Variants in ANKRD30B observed in about 807,000 individuals in gnomAD.
The protein encoded by ANKRD30B is ankyrin repeat domain 30B.
Under a neutral mutation model 202.2 loss-of-function variants are expected in ANKRD30B, and 144 were observed. The observed-to-expected ratio is 0.71, with a 90% CI of 0.62 to 0.82. The LOEUF is 0.82. Ranked by LOEUF, ANKRD30B falls within the 40% of genes least tolerant of loss-of-function variation. The probability of loss-of-function intolerance (pLI) is 0.00; values close to 1 mark genes in which losing one functional copy is unlikely to be tolerated. For synonymous variants in ANKRD30B, 508 were observed against 561.3 expected (o/e 0.91, Z 1.34); for missense variants, 1,487 against 1,669.1 (o/e 0.89, Z 1.90).
chr18:14,838,951 G>A (rs1190331831), intron 36 of ANKRD30B, among the ~76,000 whole-genome samples: 1 of 152,184 alleles, frequency 6.6e-6, no homozygotes, highest in Non-Finnish European at 1.5e-5. Context: ...CACAAGAATG[G>A]GGAGTAAGAA....
At chr18:14,872,176 C>G in the ANKRD30B span, among the ~76,000 whole-genome samples, 1 of 152,206 alleles carries the variant, frequency 6.6e-6, no homozygotes, top group Non-Finnish European at 1.5e-5. Flanking sequence ...CATCTCTCAG[C>G]CAGGAAGTCA....
chr18:14,916,805 A>C, the ANKRD30B span, among the ~76,000 whole-genome samples: 1 of 152,134 alleles, frequency 6.6e-6, no homozygotes, highest in Non-Finnish European at 1.5e-5. Context: ...GTGTTACTTG[A>C]CCCTGGCTCC....
the ANKRD30B span, among the ~76,000 whole-genome samples, chr18:14,906,385 A>G: frequency 6.6e-6 from 1 of 152,286 alleles, no homozygotes; most frequent in South Asian, 2.1e-4. Flanking sequence ...ACTCTCTACC[A>G]ATCTCATTAT....
Position 14,852,312 on chromosome 18 carries a change from G to A in ANKRD30B, c.4368G>A (p.Glu1456=), listed in dbSNP as rs538202869. 5 of 1,544,406 alleles carry A rather than the reference G, an allele frequency of 3.2e-6. No individual in the cohort carries two copies. Among genetic ancestry groups the A allele is most frequent in the South Asian group, 1.2e-5 (1 of 83,076 alleles). Residue 1456 remains glutamate, a synonymous_variant, in exon 42 of 44, where the codon GAG becomes GAA. Coordinates refer to ENST00000690538, the MANE Select transcript of ANKRD30B (RefSeq NM_001367607.2). The part of the protein sequence containing the change: ...SKVTINIQFP[E]MKMQRHLNEK... ...TAACAATTAATATTCAGTTTCCTGAGATGAAAATGCAACGTCATCTAAACG... is the reference window on the plus strand; with the variant it reads ...TAACAATTAATATTCAGTTTCCTGAAATGAAAATGCAACGTCATCTAAACG...
In ANKRD30B at chr18:14,810,179, AG is replaced by A. The variant is rs1969831484; in HGVS notation, c.2488+1del. On this transcript the variant is annotated frameshift_variant and splice_region_variant, in exon 28 of 44. Coordinates refer to ENST00000690538, the MANE Select transcript of ANKRD30B (RefSeq NM_001367607.2). LOFTEE classifies it high-confidence loss of function. The part of the protein sequence containing the change: ...ELKDRETLKA[A>X]QMFPSESKQK... ...TAAAGGACAGAGAAACATTAAAAGCAGGTAAACTTTGTAATTTAAATTTTAC... is the reference window on the plus strand; with the variant it reads ...TAAAGGACAGAGAAACATTAAAAGCAGTAAACTTTGTAATTTAAATTTTAC... 1 of 1,381,928 alleles carries A rather than the reference AG, an allele frequency of 7.2e-7. No individual in the cohort carries two copies. Among genetic ancestry groups the A allele is most frequent in the Admixed American group, 2.2e-5 (1 of 46,106 alleles). 85.6% of individuals were successfully genotyped at this position (1,381,928 alleles called of 1,614,324 possible). A position where few individuals can be genotyped will look rare whatever the true frequency, so the allele number is the denominator to read the frequency against.
chr18:14,825,454 C>A (rs868051378), intron 32 of ANKRD30B, among the ~76,000 whole-genome samples: 8 of 151,992 alleles, frequency 5.3e-5, no homozygotes, highest in African/African-American at 1.9e-4. Flanking sequence ...CAGTACAAAG[C>A]AATCATGCAC....
chr18:14,766,489 A>AGAAAG (rs1916209268), intron 7 of ANKRD30B, among the ~76,000 whole-genome samples: 7 of 133,352 alleles, frequency 5.2e-5, no homozygotes, highest in Admixed American at 1.5e-4. Flanking sequence ...AAAAAAAAAA[A>AGAAAG]AAAAAAAAGA....
intron 26 of ANKRD30B, 27 bp downstream of exon 26, chr18:14,808,771 C>T: frequency 2.1e-6 from 3 of 1,412,984 alleles, no homozygotes; most frequent in Non-Finnish European, 2.9e-6. Flanking sequence ...AAATTTTAAT[C>T]TGGAATTAAG....
At chr18:14,794,756 G>T (rs953349440) in intron 16 of ANKRD30B, among the ~76,000 whole-genome samples, 1 of 152,156 alleles carries the variant, frequency 6.6e-6, no homozygotes, top group African/African-American at 2.4e-5. Context: ...CATAAATTGT[G>T]TGTGTTTTAG....
At position 14,809,007 on chromosome 18, in the gene ANKRD30B, G is replaced by C. The variant is rs1296739161; in HGVS notation, c.2386+263G>C. ...AATGGGGCCTTGTCTTTGTTCCCAG[G>C]TGGATCGGCAGGTTGAGAAAGAATA... On this transcript the variant is annotated intron_variant, in intron 26 of 43. Transcript: ENST00000690538. Among the ~76,000 whole-genome samples, 3 of 150,720 alleles carry C rather than the reference G, an allele frequency of 2.0e-5. 1 individual carries two copies. Among genetic ancestry groups the C allele is most frequent in the African/African-American group, 7.4e-5 (3 of 40,674 alleles).
At chr18:14,793,600 T>C (rs1968669691) in intron 16 of ANKRD30B, among the ~76,000 whole-genome samples, 2 of 152,050 alleles carry the variant, frequency 1.3e-5, no homozygotes, top group Non-Finnish European at 1.5e-5. Flanking sequence ...TTTTCATTTA[T>C]TTAAAGATTT....
chr18:14,921,669 A>T, the ANKRD30B span, among the ~76,000 whole-genome samples: 1 of 152,214 alleles, frequency 6.6e-6, no homozygotes. Flanking sequence ...TTCTAAAACC[A>T]ATGGGAAAGT....
chr18:14,830,483 T>C (rs954192057), intron 33 of ANKRD30B, among the ~76,000 whole-genome samples: 1 of 152,212 alleles, frequency 6.6e-6, no homozygotes, highest in African/African-American at 2.4e-5. Flanking sequence ...GTTCAGCTTT[T>C]CAACATTTCA....
At chr18:14,877,965 C>T in the ANKRD30B span, 4 of 152,294 alleles carry the variant, frequency 2.6e-5, no homozygotes, top group East Asian at 5.8e-4. Flanking sequence ...CTCCCTGACT[C>T]TCCCCTGCTA....
At chr18:14,847,058 A>T (rs1190997193) in intron 39 of ANKRD30B, among the ~76,000 whole-genome samples, 2 of 24,154 alleles carry the variant, frequency 8.3e-5, no homozygotes, top group African/African-American at 4.5e-4. Flanking sequence ...TTTTATATAT[A>T]TATATATATA....
chr18:14,797,778 T>G lies in ANKRD30B; in HGVS notation c.1957-4T>G, dbSNP rs1969019203. 6.4e-7 allele frequency: 1 copy of G among 1,567,770 alleles called. No homozygotes were observed. Among genetic ancestry groups the G allele is most frequent in the Admixed American group, 1.9e-5 (1 of 52,928 alleles). The stretch of plus-strand genomic sequence containing the variant: ...TTAATTTTTGTGTTTCCGAACCCAT[T>G]TAGCCTACCTGTGGAAGGAAAGTTT... On this transcript the variant is annotated splice_polypyrimidine_tract_variant and splice_region_variant and intron_variant, in intron 19 of 43. Transcript: ENST00000690538.
intron 16 of ANKRD30B, among the ~76,000 whole-genome samples, chr18:14,795,377 T>G (rs1215053350): frequency 6.6e-6 from 1 of 152,178 alleles, no homozygotes; most frequent in African/African-American, 2.4e-5. Context: ...TTGTATTTTT[T>G]GTGGAGACAG....
At chr18:14,752,701 T>C in intron 2 of ANKRD30B, 21 bp downstream of exon 2, 2 of 1,580,048 alleles carry the variant, frequency 1.3e-6, no homozygotes, top group Non-Finnish European at 8.6e-7. Flanking sequence ...GCCAGTTTTT[T>C]CAGCGGGAGA....
the ANKRD30B span, among the ~76,000 whole-genome samples, chr18:14,926,104 C>A: frequency 6.6e-6 from 1 of 152,176 alleles, no homozygotes; most frequent in East Asian, 1.9e-4. Context: ...GTTAGCCCAA[C>A]ACGGCAGCGA....
Sources: allele counts gnomAD v4.1 joint callset (sites outside exome capture counted in the v4.1 genomes callset), GRCh38; gene constraint gnomAD v4.1.1; transcripts MANE v1.5; gene names NCBI Gene and HGNC (gene_info 2026-07-23, HGNC 2026-07-21).